The following COL19A1 variants were observed in gnomAD, a reference collection of about 807,000 sequenced individuals.
COL19A1 encodes the protein collagen type XIX alpha 1 chain.
In COL19A1, 159 loss-of-function variants were observed where a neutral mutation model predicts 190.2. The ratio of observed to expected loss-of-function variants is 0.84; its 90% CI spans 0.73 to 0.95. The LOEUF (loss-of-function observed/expected upper bound fraction) is 0.95. COL19A1 is among the 40% of genes least tolerant of loss of function. The pLI is 0.00. For synonymous variants in COL19A1, 509 were observed against 458.9 expected (o/e 1.11, Z -1.39); for missense variants, 1,418 against 1,431.9 (o/e 0.99, Z 0.16).
chr6:69,871,316 A>G (rs1767807800), intron 1 of COL19A1, among the ~76,000 whole-genome samples: 1 of 152,170 alleles, frequency 6.6e-6, no homozygotes, highest in South Asian at 2.1e-4. Flanking sequence ...TATTTACACA[A>G]TGTGTCACTT....
chr6:70,047,867 C>A (rs1035925585), intron 14 of COL19A1, among the ~76,000 whole-genome samples: 3 of 152,098 alleles, frequency 2.0e-5, no homozygotes, highest in Admixed American at 6.6e-5. Context: ...CTCTTCCAGT[C>A]TTTGCATGTC....
intron 14 of COL19A1, among the ~76,000 whole-genome samples, chr6:70,060,661 C>A (rs948991025): frequency 2.0e-5 from 3 of 152,138 alleles, no homozygotes; most frequent in Non-Finnish European, 2.9e-5. Flanking sequence ...CACTGTCTCC[C>A]ATCACCCCTA....
chr6:70,035,988 T>A (rs990839960), intron 14 of COL19A1, 49 bp downstream of exon 14: 6 of 1,543,964 alleles, frequency 3.9e-6, no homozygotes, highest in Non-Finnish European at 5.4e-6. Flanking sequence ...ATTATTCTGT[T>A]TATTATCCAT....
intron 40 of COL19A1, among the ~76,000 whole-genome samples, chr6:70,169,618 A>G (rs552268449): frequency 6.6e-6 from 1 of 152,282 alleles, no homozygotes; most frequent in East Asian, 1.9e-4. Flanking sequence ...AATATATATT[A>G]AAAGCCAAAT....
In COL19A1 at chr6:70,034,284, C is replaced by G; in HGVS notation, c.1120C>G (p.Pro374Ala). The change falls in exon 13 of 51, where the codon CCA becomes GCA. Residue 374 changes from proline (P) to alanine (A), a missense_variant. Pro to Ala is a conservative substitution (Grantham distance 27). Coordinates refer to ENST00000620364, the MANE Select transcript of COL19A1 (RefSeq NM_001858.6). ...GDLGPHGPPG[P>A]KGEKGDTGPP... ...CTTGGGTCCTCATGGTCCACCTGGC[C>G]CAAAAGGAGAAAAGGTATTGTGTTT... 6.2e-7 allele frequency: 1 copy of G among 1,612,862 alleles called. No homozygotes were observed. Among genetic ancestry groups the G allele is most frequent in the Non-Finnish European group, 8.5e-7 (1 of 1,179,022 alleles).
chr6:70,201,288 T>C (rs1767535319), intron 49 of COL19A1, among the ~76,000 whole-genome samples: 1 of 152,228 alleles, frequency 6.6e-6, no homozygotes, highest in Admixed American at 6.5e-5. Flanking sequence ...AACACCTGGC[T>C]TCAGACACCT....
intron 11 of COL19A1, among the ~76,000 whole-genome samples, chr6:70,017,131 C>A (rs539850765): frequency 3.3e-5 from 5 of 151,764 alleles, no homozygotes; most frequent in Non-Finnish European, 7.4e-5. Flanking sequence ...TATGGTGTAC[C>A]CACATAAATG....
chr6:69,883,010 TA>T (rs1768667257), intron 2 of COL19A1, among the ~76,000 whole-genome samples: 1 of 152,224 alleles, frequency 6.6e-6, no homozygotes, highest in Non-Finnish European at 1.5e-5. Context: ...AATGATTAGA[TA>T]AATAATGTAG....
intron 47 of COL19A1, among the ~76,000 whole-genome samples, chr6:70,188,693 GAAC>G (rs72275684): frequency 0.27 from 41,409 of 151,874 alleles, 5,897 homozygotes; most frequent in Non-Finnish European, 0.32. Flanking sequence ...TTGAATATCA[GAAC>G]AACAAATCTG....
chr6:70,119,343 C>G (rs1195252557), intron 16 of COL19A1, among the ~76,000 whole-genome samples: 1 of 152,222 alleles, frequency 6.6e-6, no homozygotes, highest in African/African-American at 2.4e-5. Flanking sequence ...CTCTCAACTA[C>G]ACGGTATGAC....
At chr6:70,140,775 A>T (rs1786196954) in intron 19 of COL19A1, among the ~76,000 whole-genome samples, 179 bp from the exon 20 acceptor site, 1 of 152,116 alleles carries the variant, frequency 6.6e-6, no homozygotes, top group African/African-American at 2.4e-5. Flanking sequence ...AGGAGTTTTT[A>T]AATTAATTAT....
chr6:69,928,486 A>G (rs985706627), intron 5 of COL19A1, among the ~76,000 whole-genome samples: 1 of 152,190 alleles, frequency 6.6e-6, no homozygotes, highest in African/African-American at 2.4e-5. Flanking sequence ...TGGAACACAT[A>G]CTATATACTA....
intron 44 of COL19A1, among the ~76,000 whole-genome samples, 200 bp from the exon 45 acceptor site, chr6:70,184,503 A>G (rs186046216): frequency 8.1e-5 from 12 of 147,608 alleles, no homozygotes; most frequent in Non-Finnish European, 1.7e-4. Context: ...AAAAAGGTTA[A>G]TGGGACTAGT....
Position 70,207,167 on chromosome 6 carries a change from C to G in COL19A1, c.3322C>G (p.Pro1108Ala). The change falls in exon 51 of 51, where the codon CCA becomes GCA. Residue 1108 changes from proline to alanine, a missense_variant. Coordinates refer to ENST00000620364, the MANE Select transcript of COL19A1 (RefSeq NM_001858.6). ...GTTAGCTCTGGGTTTGCCAGGCTCA[C>G]CAGGTGCCCCAGGCCCACAGGGCCC... The part of the protein sequence containing the change: ...GTSALGLPGS[P>A]GAPGPQGPPG... The G allele has an allele frequency of 6.2e-7, 1 of 1,613,632 alleles. No individual in the cohort carries two copies. Among genetic ancestry groups the G allele is most frequent in the Non-Finnish European group, 8.5e-7 (1 of 1,179,850 alleles).
At position 70,112,379 on chromosome 6, in the gene COL19A1, C is replaced by T. The variant is rs1010512601; in HGVS notation, c.1279-9501C>T. Among the ~76,000 whole-genome samples the T allele has an allele frequency of 4.6e-5, 7 of 152,164 alleles. No individual in the cohort carries two copies. The East Asian group carries it at 1.3e-3, about 29-fold the overall frequency. On this transcript the variant is annotated intron_variant, in intron 16 of 50. Transcript: ENST00000620364. ...AGGCACTCTAAAGATTCCTGCTGCT[C>T]CTTATATTGCAGGACACTGACAAAT... is the stretch of plus-strand genomic sequence containing the variant.
chr6:70,043,671 T>C (rs949407304), intron 14 of COL19A1, among the ~76,000 whole-genome samples: 10 of 152,164 alleles, frequency 6.6e-5, no homozygotes, highest in African/African-American at 2.4e-4. Context: ...TTGAAAGAAA[T>C]ATTTTTTTCT....
chr6:70,159,964 A>G (rs1562231457), intron 34 of COL19A1, among the ~76,000 whole-genome samples: 1 of 152,132 alleles, frequency 6.6e-6, no homozygotes, highest in South Asian at 2.1e-4. Context: ...GTTTTTTCTC[A>G]TAATAGAAGT....
chr6:69,933,002 G>A (rs769223617), intron 7 of COL19A1, 139 bp downstream of exon 7: 26 of 529,482 alleles, frequency 4.9e-5, no homozygotes, highest in Non-Finnish European at 5.6e-5. Flanking sequence ...TAGTAAGGAA[G>A]CATTCATAGT....
intron 14 of COL19A1, among the ~76,000 whole-genome samples, chr6:70,054,486 A>T (rs1309574552): frequency 6.6e-6 from 1 of 152,212 alleles, no homozygotes; most frequent in Non-Finnish European, 1.5e-5. Context: ...TGTACTTTAG[A>T]ATAAGTTGCC....
Sources: gnomAD v4.1 joint callset for allele counts (sites outside exome capture counted in the v4.1 genomes callset) on GRCh38, gnomAD v4.1.1 for gene constraint, MANE v1.5 for transcripts, NCBI Gene and HGNC (gene_info 2026-07-23, HGNC 2026-07-21) for gene names.